The following NFIB variants were observed in gnomAD, a reference collection of about 807,000 sequenced individuals.
NFIB encodes the protein nuclear factor I B.
Under a neutral mutation model 61.5 loss-of-function variants are expected in NFIB, and 11 were observed. The observed-to-expected ratio is 0.18, with a 90% CI of 0.11 to 0.30. The LOEUF (loss-of-function observed/expected upper bound fraction) is 0.30, where lower values mean the gene tolerates loss of function less well. NFIB is among the 10% of genes least tolerant of loss of function. The pLI is 1.00. For missense variants in NFIB, 471 were observed against 608.9 expected (o/e 0.77, Z 2.38); for synonymous variants, 260 against 216.5 (o/e 1.20, Z -1.76).
chr9:14,128,124 T>C (rs2039922081), intron 6 of NFIB, among the ~76,000 whole-genome samples: 1 of 152,100 alleles, frequency 6.6e-6, no homozygotes, highest in Non-Finnish European at 1.5e-5. Context: ...ATACTACAAA[T>C]ATAGGCCTCT....
intron 1 of NFIB, among the ~76,000 whole-genome samples, chr9:14,382,842 G>C (rs2061504361): frequency 6.6e-6 from 1 of 152,044 alleles, no homozygotes; most frequent in South Asian, 2.1e-4. Context: ...GAGAATGAAA[G>C]TCCAGGAAGA....
chr9:14,278,076 C>T (rs752183554), intron 2 of NFIB, among the ~76,000 whole-genome samples: 1 of 152,132 alleles, frequency 6.6e-6, no homozygotes, highest in Non-Finnish European at 1.5e-5. Context: ...AGTTTTGGTG[C>T]TAAGTTCAGA....
chr9:14,299,379 G>C (rs1475765634), intron 2 of NFIB, among the ~76,000 whole-genome samples: 2 of 152,100 alleles, frequency 1.3e-5, no homozygotes, highest in African/African-American at 2.4e-5. Flanking sequence ...GTAGTTTTAT[G>C]AGAGATGTGT....
the NFIB span, among the ~76,000 whole-genome samples, chr9:14,471,012 G>A: frequency 6.6e-6 from 1 of 152,212 alleles, no homozygotes; most frequent in Non-Finnish European, 1.5e-5. Flanking sequence ...TGAACTTGAT[G>A]CATAGTTTAA....
rs551885714 is a variant in NFIB, at chr9:14,324,130, G to A, written c.109-16610C>T. The stretch of plus-strand genomic sequence containing the variant: ...TTCCCAAGGAAAATTAATTTTTAAT[G>A]TTTATCTTGCTCCAAGTTATTGTAA... On this transcript the variant is annotated intron_variant, in intron 1 of 8. Transcript: ENST00000380934. Among the ~76,000 whole-genome samples, 20 of 152,270 alleles carry A rather than the reference G, an allele frequency of 1.3e-4. No homozygotes were observed. The South Asian group carries it at 4.2e-3, about 32-fold the overall frequency.
chr9:14,444,812 A>G, the NFIB span, among the ~76,000 whole-genome samples: 1 of 152,218 alleles, frequency 6.6e-6, no homozygotes, highest in Middle Eastern at 3.2e-3. Context: ...AAAACAGAAT[A>G]TTACAAGGAC....
At chr9:14,430,551 T>C in the NFIB span, among the ~76,000 whole-genome samples, 1 of 151,338 alleles carries the variant, frequency 6.6e-6, no homozygotes, top group Non-Finnish European at 1.5e-5. Context: ...AGTTTGAGAA[T>C]GGCTTGCCTT....
intron 1 of NFIB, among the ~76,000 whole-genome samples, chr9:14,308,392 G>A (rs2060128017): frequency 6.6e-6 from 1 of 152,184 alleles, no homozygotes; most frequent in East Asian, 1.9e-4. Flanking sequence ...TTAAATAGAA[G>A]TTTTCAAACT....
chr9:14,456,828 T>C, the NFIB span, among the ~76,000 whole-genome samples: 5 of 152,132 alleles, frequency 3.3e-5, no homozygotes, highest in African/African-American at 9.7e-5. Flanking sequence ...AGCCATCCCA[T>C]TTTGGGAAAT....
chr9:14,337,726 G>C (rs2060901527), intron 1 of NFIB, among the ~76,000 whole-genome samples: 1 of 152,126 alleles, frequency 6.6e-6, no homozygotes, highest in African/African-American at 2.4e-5. Context: ...AAGACCTTTG[G>C]CATCCATCTG....
chr9:14,118,156 G>C (rs183085269), intron 8 of NFIB, among the ~76,000 whole-genome samples: 2 of 152,136 alleles, frequency 1.3e-5, no homozygotes, highest in East Asian at 3.9e-4. Flanking sequence ...GGAAAAAGTA[G>C]TTTGTTTCTA....
the NFIB span, among the ~76,000 whole-genome samples, chr9:14,468,998 C>T: frequency 2.0e-5 from 3 of 152,180 alleles, no homozygotes; most frequent in Admixed American, 2.0e-4. Flanking sequence ...ATCCAGGTAT[C>T]AGAAGTGTGT....
At chr9:14,294,553 A>G (rs1391938112) in intron 2 of NFIB, among the ~76,000 whole-genome samples, 1 of 152,248 alleles carries the variant, frequency 6.6e-6, no homozygotes, top group Non-Finnish European at 1.5e-5. Flanking sequence ...TGTGTATCCC[A>G]TGAACAGAAC....
At chr9:14,366,814 A>G (rs553087324) in intron 1 of NFIB, among the ~76,000 whole-genome samples, 12 of 152,194 alleles carry the variant, frequency 7.9e-5, no homozygotes, top group African/African-American at 2.6e-4. Context: ...TTTTTTCCCA[A>G]AAAATCTGTC....
chr9:14,140,858 T>A (rs2041617816), intron 6 of NFIB, among the ~76,000 whole-genome samples: 1 of 151,998 alleles, frequency 6.6e-6, no homozygotes, highest in Non-Finnish European at 1.5e-5. Flanking sequence ...CACTTGAACC[T>A]GGGGGGGTCA....
chr9:14,204,629 TC>T, intron 2 of NFIB: 1 of 703,708 alleles, frequency 1.4e-6, no homozygotes, highest in Non-Finnish European at 2.5e-6. Context: ...AAAGGGGACC[TC>T]CCCACTAAGA....
At chr9:14,393,379 C>G (rs2061647918) in intron 1 of NFIB, among the ~76,000 whole-genome samples, 1 of 152,188 alleles carries the variant, frequency 6.6e-6, no homozygotes. Flanking sequence ...CTACTTCATT[C>G]ATTAAGCCTC....
At chr9:14,488,453 G>A in the NFIB span, among the ~76,000 whole-genome samples, 51 of 152,282 alleles carry the variant, frequency 3.3e-4, no homozygotes, top group Non-Finnish European at 2.6e-4. Context: ...TTATGCCTGG[G>A]ATGGGCACTA....
At chr9:14,486,674 G>A in the NFIB span, among the ~76,000 whole-genome samples, 1 of 150,590 alleles carries the variant, frequency 6.6e-6, no homozygotes, top group Non-Finnish European at 1.5e-5. Context: ...AATAGCAGGT[G>A]TGTAGTATGT....
Sources: allele counts gnomAD v4.1 joint callset (sites outside exome capture counted in the v4.1 genomes callset), GRCh38; gene constraint gnomAD v4.1.1; transcripts MANE v1.5; gene names NCBI Gene and HGNC (gene_info 2026-07-23, HGNC 2026-07-21).